CLRN3: variants seen among roughly 807,000 people sequenced by gnomAD.
The protein encoded by CLRN3 is clarin-3.
In CLRN3, 12 loss-of-function variants were observed where a neutral mutation model predicts 16.7. That is an observed-to-expected ratio of 0.72 (90% CI 0.46 to 1.16). The LOEUF is 1.16. Ranked by LOEUF, CLRN3 falls within the 50% of genes most tolerant of loss-of-function variation. The pLI, the probability that CLRN3 is intolerant of heterozygous loss-of-function variation, is 0.00. For missense variants in CLRN3, 296 were observed against 274.2 expected, an observed-to-expected ratio of 1.08 and a Z score of -0.56; for synonymous variants, 118 against 113.0, an observed-to-expected ratio of 1.04 and a Z score of -0.28.
At chr10:127,882,242 A>G (rs1324663424) in intron 2 of CLRN3, among the ~76,000 whole-genome samples, 1 of 151,994 alleles carries the variant, frequency 6.6e-6, no homozygotes, top group Non-Finnish European at 1.5e-5. Flanking sequence ...ATTTGTTTTT[A>G]CCCCCAAATA....
chr10:127,890,203 G>A (rs12413939), intron 1 of CLRN3, among the ~76,000 whole-genome samples: 10,335 of 152,240 alleles, frequency 0.068, 418 homozygotes, highest in Non-Finnish European at 0.085. Context: ...ACAGAAATTA[G>A]ATCTCCAGAA....
In CLRN3 at chr10:127,890,018, GCAGA is replaced by G. The variant is rs556989414; in HGVS notation, c.229+2534_229+2537del. ...TTTCCCCCAACCCCCTTGCTTGCAT[GCAGA>G]CCTGCACATACCATGCTCCAGCAGT... On this transcript the variant is annotated intron_variant, in intron 1 of 2. Coordinates refer to ENST00000368671, the MANE Select transcript of CLRN3 (RefSeq NM_152311.5). Among the ~76,000 whole-genome samples, 358 of 152,316 alleles carry G rather than the reference GCAGA, an allele frequency of 2.4e-3. 1 individual carries two copies. Among genetic ancestry groups the G allele is most frequent in the Middle Eastern group, 0.014 (4 of 294 alleles).
intron 1 of CLRN3, 127 bp from the exon 2 acceptor site, chr10:127,884,002 G>T (rs1845163235): frequency 9.4e-6 from 8 of 848,450 alleles, no homozygotes; most frequent in Admixed American, 2.0e-5. Context: ...GAGATACCAG[G>T]AGCCTCCAAC....
At chr10:127,881,151 C>T (rs1437535545) in intron 2 of CLRN3, among the ~76,000 whole-genome samples, 3 of 152,346 alleles carry the variant, frequency 2.0e-5, no homozygotes, top group Non-Finnish European at 4.4e-5. Flanking sequence ...GCTCCTTACA[C>T]ATCAACCTCT....
chr10:127,883,396 G>A (rs1226621880), intron 2 of CLRN3, among the ~76,000 whole-genome samples: 9 of 152,154 alleles, frequency 5.9e-5, no homozygotes, highest in East Asian at 1.9e-4. Flanking sequence ...GCAGGAGCCC[G>A]GTCAATATTT....
chr10:127,882,496 C>T (rs903649497), intron 2 of CLRN3, among the ~76,000 whole-genome samples: 1 of 152,220 alleles, frequency 6.6e-6, no homozygotes, highest in African/African-American at 2.4e-5. Flanking sequence ...GGCCATGTGG[C>T]TGTGTTTACA....
chr10:127,889,013 C>A (rs771439431), intron 1 of CLRN3, among the ~76,000 whole-genome samples: 5 of 152,170 alleles, frequency 3.3e-5, no homozygotes, highest in African/African-American at 9.7e-5. Context: ...GTCTACCTTC[C>A]GCTGTAGGCA....
At chr10:127,882,281 A>T (rs1564778164) in intron 2 of CLRN3, among the ~76,000 whole-genome samples, 1 of 152,248 alleles carries the variant, frequency 6.6e-6, no homozygotes, top group Non-Finnish European at 1.5e-5. Flanking sequence ...AGAGCCAGTC[A>T]TATATGAATG....
chr10:127,892,860 A>G lies in CLRN3; in HGVS notation c.-76T>C. Reference sequence around the variant, plus strand: ...AACACTTTTGAACCTTATCTTTTGAAGTCTGGTATTTAGAAATGGAGTCTA... The same window carrying G: ...AACACTTTTGAACCTTATCTTTTGAGGTCTGGTATTTAGAAATGGAGTCTA... On this transcript the variant is annotated 5_prime_UTR_variant, in exon 1 of 3. Transcript: ENST00000368671. 1.2e-6 allele frequency: 1 copy of G among 846,654 alleles called. No homozygotes were observed. The highest frequency in any genetic ancestry group is 1.9e-6 in the Non-Finnish European group (1 of 519,202). The allele number at this position is 846,654 out of a possible 1,614,324, so 52.4% of individuals were successfully genotyped here. A position where few individuals can be genotyped will look rare whatever the true frequency, so the allele number is the denominator to read the frequency against.
chr10:127,885,890 G>C (rs1045079815), intron 1 of CLRN3, among the ~76,000 whole-genome samples: 1 of 152,024 alleles, frequency 6.6e-6, no homozygotes, highest in African/African-American at 2.4e-5. Flanking sequence ...CAAGTAGCTG[G>C]GATTACAGGC....
intron 1 of CLRN3, among the ~76,000 whole-genome samples, chr10:127,884,614 T>A (rs1845169955): frequency 6.6e-6 from 1 of 152,204 alleles, no homozygotes; most frequent in South Asian, 2.1e-4. Flanking sequence ...CAGCATTGGA[T>A]GAATTTGCAT....
chr10:127,883,578 C>T, intron 2 of CLRN3, 118 bp downstream of exon 2: 1 of 765,610 alleles, frequency 1.3e-6, no homozygotes, highest in East Asian at 2.6e-5. Flanking sequence ...GGGAGGTCCT[C>T]ATAGTTTCCT....
In CLRN3 at chr10:127,878,189, T is replaced by G; in HGVS notation, c.641A>C (p.Lys214Thr). ...GTCCCTTGGAGCATATTCCATTGGC[T>G]TTCTCTGCTCCTGCTTCCGCTGGTA... ...ARYQRKQEQR[K>T]PMEYAPRDGI... Residue 214 changes from lysine to threonine, a missense_variant, in exon 3 of 3, where the codon AAG becomes ACG. Lys to Thr is a moderately conservative substitution (Grantham distance 78). Transcript: ENST00000368671. The G allele has an allele frequency of 1.2e-6, 2 of 1,614,094 alleles. No homozygotes were observed. Among genetic ancestry groups the G allele is most frequent in the Non-Finnish European group, 1.7e-6 (2 of 1,179,926 alleles).
At chr10:127,885,690 C>T (rs1845185264) in intron 1 of CLRN3, among the ~76,000 whole-genome samples, 1 of 152,206 alleles carries the variant, frequency 6.6e-6, no homozygotes, top group Non-Finnish European at 1.5e-5. Context: ...AAAGAATCCT[C>T]CTGCCTCAGC....
intron 1 of CLRN3, among the ~76,000 whole-genome samples, chr10:127,885,254 C>T (rs1845179804): frequency 6.6e-6 from 1 of 152,136 alleles, no homozygotes; most frequent in Non-Finnish European, 1.5e-5. Context: ...GTGCTGTGGG[C>T]ACCCATGGGA....
At chr10:127,887,191 G>T (rs1183252311) in intron 1 of CLRN3, among the ~76,000 whole-genome samples, 1 of 152,210 alleles carries the variant, frequency 6.6e-6, no homozygotes, top group Non-Finnish European at 1.5e-5. Flanking sequence ...GGACACACCT[G>T]TTCAGGGGGA....
intron 1 of CLRN3, among the ~76,000 whole-genome samples, chr10:127,887,386 T>A (rs1845208750): frequency 6.6e-6 from 1 of 152,022 alleles, no homozygotes; most frequent in African/African-American, 2.4e-5. Flanking sequence ...GCTTGCAGTA[T>A]TTTTCTGCTT....
chr10:127,892,362 T>C (rs1374428651), intron 1 of CLRN3, among the ~76,000 whole-genome samples, 194 bp downstream of exon 1: 2 of 152,222 alleles, frequency 1.3e-5, no homozygotes, highest in Non-Finnish European at 2.9e-5. Context: ...ATTGTATTAA[T>C]AGACACAAGG....
intron 2 of CLRN3, among the ~76,000 whole-genome samples, chr10:127,882,716 G>C (rs1356170893): frequency 6.6e-6 from 1 of 152,182 alleles, no homozygotes; most frequent in Admixed American, 6.5e-5. Flanking sequence ...TGACATGTCT[G>C]ATATCCAGAG....
Sources: allele counts gnomAD v4.1 joint callset (sites outside exome capture counted in the v4.1 genomes callset), GRCh38; gene constraint gnomAD v4.1.1; transcripts MANE v1.5; gene names NCBI Gene and HGNC (gene_info 2026-07-23, HGNC 2026-07-21).